CLIC5: variants seen among roughly 807,000 people sequenced by gnomAD.
The protein encoded by CLIC5 is CLIC family member 5.
In CLIC5, 20 loss-of-function variants were observed where a neutral mutation model predicts 24.7. The observed-to-expected ratio is 0.81, with a 90% CI of 0.57 to 1.18. CLIC5 has a LOEUF of 1.18. CLIC5 is among the 50% of genes most tolerant of loss of function. The probability of loss-of-function intolerance (pLI) is 0.00; values close to 1 mark genes in which losing one functional copy is unlikely to be tolerated. For synonymous variants in CLIC5, 159 were observed against 135.6 expected (o/e 1.17, Z -1.20); for missense variants, 341 against 326.1 (o/e 1.05, Z -0.35).
chr6:46,064,055 A>G (rs916764745), intron 1 of CLIC5, among the ~76,000 whole-genome samples: 12 of 152,230 alleles, frequency 7.9e-5, no homozygotes, highest in African/African-American at 1.2e-4. Flanking sequence ...AAAAATATCA[A>G]TATAAACCCA....
chr6:46,031,819 A>C (rs1056922071), intron 1 of CLIC5, among the ~76,000 whole-genome samples: 18 of 150,826 alleles, frequency 1.2e-4, no homozygotes, highest in African/African-American at 4.4e-4. Flanking sequence ...CAAACTATGA[A>C]AGAGTGCATA....
the CLIC5 span, among the ~76,000 whole-genome samples, chr6:46,098,620 G>C: frequency 6.6e-6 from 1 of 152,190 alleles, no homozygotes; most frequent in Non-Finnish European, 1.5e-5. Context: ...CTACCTATTG[G>C]AGGTGGGGAG....
At chr6:45,929,888 C>T (rs1763659916) in intron 4 of CLIC5, among the ~76,000 whole-genome samples, 1 of 152,192 alleles carries the variant, frequency 6.6e-6, no homozygotes, top group Non-Finnish European at 1.5e-5. Flanking sequence ...TTAGCTTTCT[C>T]ATCAGGCCTG....
chr6:45,936,977 G>A (rs1170219060), intron 4 of CLIC5, among the ~76,000 whole-genome samples: 2 of 152,098 alleles, frequency 1.3e-5, no homozygotes, highest in South Asian at 2.1e-4. Context: ...TGCAGACCAA[G>A]GGGACCTGGA....
At chr6:46,019,379 T>C (rs1767109491), upstream of CLIC5, among the ~76,000 whole-genome samples, 2 of 152,134 alleles carry the variant, frequency 1.3e-5, no homozygotes, top group Non-Finnish European at 2.9e-5. Flanking sequence ...GCCCCTGCCA[T>C]GCAAACACTA....
At chr6:45,974,737 G>A (rs569340971) in intron 1 of CLIC5, among the ~76,000 whole-genome samples, 2 of 152,006 alleles carry the variant, frequency 1.3e-5, no homozygotes, top group East Asian at 3.9e-4. Context: ...GAACAGATGT[G>A]TTTCAAAATT....
downstream of CLIC5, among the ~76,000 whole-genome samples, chr6:45,895,967 T>C (rs530893359): frequency 1.8e-4 from 27 of 152,240 alleles, no homozygotes; most frequent in Non-Finnish European, 3.1e-4. Context: ...GAGGATTACA[T>C]TGAAACTTGT....
chr6:46,038,543 G>A (rs1441307121), intron 1 of CLIC5, among the ~76,000 whole-genome samples: 4 of 152,182 alleles, frequency 2.6e-5, no homozygotes, highest in Non-Finnish European at 4.4e-5. Context: ...AAATGAGAGT[G>A]AAAAAGAAAA....
chr6:45,926,608 C>T (rs1763509554), intron 4 of CLIC5, among the ~76,000 whole-genome samples: 1 of 152,056 alleles, frequency 6.6e-6, no homozygotes, highest in Admixed American at 6.6e-5. Flanking sequence ...CTTTGTCCAC[C>T]AGGGGTCTTA....
chr6:46,019,362 T>C (rs1767108668), upstream of CLIC5, among the ~76,000 whole-genome samples: 1 of 152,052 alleles, frequency 6.6e-6, no homozygotes, highest in Non-Finnish European at 1.5e-5. Flanking sequence ...AGTAAGAGGA[T>C]GGAAAAGCCC....
intron 1 of CLIC5, among the ~76,000 whole-genome samples, chr6:45,973,023 A>G (rs1240625842): frequency 6.6e-6 from 1 of 152,216 alleles, no homozygotes; most frequent in African/African-American, 2.4e-5. Flanking sequence ...TAACAATGGC[A>G]GCCAGGTGCT....
chr6:46,017,922 C>A (rs912396183), upstream of CLIC5, among the ~76,000 whole-genome samples: 2 of 152,168 alleles, frequency 1.3e-5, no homozygotes, highest in Non-Finnish European at 1.5e-5. Flanking sequence ...GTCACCAAGC[C>A]CAACGTGCAA....
In CLIC5 at chr6:45,927,259, C is replaced by A. The variant is rs1388410476; in HGVS notation, c.407-12850G>T. 2.0e-5 allele frequency among the ~76,000 whole-genome samples: 3 copies of A among 152,182 alleles called. No individual in the cohort carries two copies. The South Asian group carries it at 6.2e-4, about 32-fold the overall frequency. On this transcript the variant is annotated intron_variant, in intron 4 of 5. Transcript: ENST00000339561. ...GGTGACAATGATGAAGGAGGCACAC[C>A]CAGCATGCTTCCTCACAGAGACAGC...
chr6:46,110,691 T>C, the CLIC5 span, among the ~76,000 whole-genome samples: 1 of 152,166 alleles, frequency 6.6e-6, no homozygotes, highest in Non-Finnish European at 1.5e-5. Flanking sequence ...CTTCAAGATC[T>C]TGTGGGACCT....
chr6:45,912,771 G>T, intron 5 of CLIC5: 1 of 1,393,686 alleles, frequency 7.2e-7, no homozygotes, highest in Non-Finnish European at 9.8e-7. Flanking sequence ...GATGATGGGT[G>T]GGGCATGCAG....
chr6:45,991,357 C>G (rs995979003), intron 1 of CLIC5, among the ~76,000 whole-genome samples: 1 of 152,200 alleles, frequency 6.6e-6, no homozygotes, highest in African/African-American at 2.4e-5. Flanking sequence ...TAGGCAGCCT[C>G]TAGGGGCTGA....
At chr6:46,112,381 T>C in the CLIC5 span, among the ~76,000 whole-genome samples, 1 of 152,226 alleles carries the variant, frequency 6.6e-6, no homozygotes, top group Non-Finnish European at 1.5e-5. Flanking sequence ...AGACCACCTT[T>C]GCTAGCTACT....
chr6:45,949,748 C>T (rs930665825), intron 2 of CLIC5, among the ~76,000 whole-genome samples: 1 of 152,164 alleles, frequency 6.6e-6, no homozygotes, highest in Non-Finnish European at 1.5e-5. Context: ...ATCTGCCTAA[C>T]AAAAATGCGC....
In CLIC5 at chr6:45,949,314, C is replaced by T. The variant is rs142218776; in HGVS notation, c.241G>A (p.Val81Met). 18 of 1,613,964 alleles carry T rather than the reference C, an allele frequency of 1.1e-5. No individual in the cohort carries two copies. The highest frequency in any genetic ancestry group is 2.2e-5 in the South Asian group (2 of 91,062). Residue 81 changes from valine to methionine, a missense_variant, in exon 3 of 6, where the codon GTG becomes ATG. Val to Met is a conservative substitution (Grantham distance 21). Coordinates refer to ENST00000339561, the MANE Select transcript of CLIC5 (RefSeq NM_016929.5). Reference sequence around the variant, plus strand: ...TCGATCTTATTGACGTCTGTCTTCACGTCCCCGTTGAAGGTCAGGAAGGGC... The same window carrying T: ...TCGATCTTATTGACGTCTGTCTTCATGTCCCCGTTGAAGGTCAGGAAGGGC... The part of the protein sequence containing the change: ...HPPFLTFNGD[V>M]KTDVNKIEEF...
Sources: allele counts gnomAD v4.1 joint callset (sites outside exome capture counted in the v4.1 genomes callset), GRCh38; gene constraint gnomAD v4.1.1; transcripts MANE v1.5; gene names NCBI Gene and HGNC (gene_info 2026-07-23, HGNC 2026-07-21).